Variants in ADGRV1 observed in about 807,000 individuals in gnomAD.
ADGRV1 encodes the protein G-protein coupled receptor 98.
ADGRV1 carries 359 observed loss-of-function variants against 596.2 expected under a neutral mutation model. The observed-to-expected ratio is 0.60, with a 90% CI of 0.55 to 0.66. The LOEUF (loss-of-function observed/expected upper bound fraction) is 0.66. ADGRV1 is among the 30% of genes least tolerant of loss of function. ADGRV1 has a pLI of 0.00. For missense variants in ADGRV1, 7,274 were observed against 7,575.6 expected, an observed-to-expected ratio of 0.96 and a Z score of 1.48; for synonymous variants, 2,681 against 2,679.2, an observed-to-expected ratio of 1.00 and a Z score of -0.02.
At chr5:90,735,717 C>T (rs981245928) in intron 50 of ADGRV1, among the ~76,000 whole-genome samples, 1 of 151,524 alleles carries the variant, frequency 6.6e-6, no homozygotes, top group Admixed American at 6.6e-5. Flanking sequence ...TTCAGTATAC[C>T]AGTCGTTCGT....
At position 90,985,457 on chromosome 5, in the gene ADGRV1, A is replaced by G. The variant is rs939854667; in HGVS notation, c.18087A>G (p.Ile6029Met). Residue 6029 changes from isoleucine (I) to methionine (M), a missense_variant, in exon 85 of 90, where the codon ATA becomes ATG. Physicochemically the swap from Ile to Met is conservative, Grantham distance 10 (BLOSUM62 1). Transcript: ENST00000405460. ...CAGCTTTTGTGGTGATTCTCCTCAT[A>G]GTTATTTTGAAAGGAATCTATCATC... ...GLPAFVVILL[I>M]VILKGIYHQS... 5.0e-6 allele frequency: 8 copies of G among 1,613,794 alleles called. No individual in the cohort carries two copies. The highest frequency in any genetic ancestry group is 6.8e-6 in the Non-Finnish European group (8 of 1,179,756).
At chr5:90,927,117 T>C (rs1419119221) in intron 83 of ADGRV1, among the ~76,000 whole-genome samples, 2 of 149,134 alleles carry the variant, frequency 1.3e-5, no homozygotes, top group African/African-American at 5.0e-5. Flanking sequence ...TCTGTTGATT[T>C]GGGGTGGAGA....
intron 1 of ADGRV1, among the ~76,000 whole-genome samples, chr5:90,583,722 T>C (rs1758373459): frequency 6.6e-6 from 1 of 152,216 alleles, no homozygotes; most frequent in Non-Finnish European, 1.5e-5. Flanking sequence ...TTGTATGTAA[T>C]ATGACCATTC....
intron 58 of ADGRV1, among the ~76,000 whole-genome samples, chr5:90,760,465 G>C (rs1756401711): frequency 6.6e-6 from 1 of 152,128 alleles, no homozygotes. Context: ...ATTGGCTGTA[G>C]TAGATCAAGA....
chr5:91,034,036 A>G (rs962534520), intron 85 of ADGRV1, among the ~76,000 whole-genome samples: 1 of 152,212 alleles, frequency 6.6e-6, no homozygotes, highest in Non-Finnish European at 1.5e-5. Context: ...GAAATGAAGC[A>G]TGCAGAAATT....
chr5:90,627,961 C>CAA (rs1554064829), intron 7 of ADGRV1, 185 bp downstream of exon 7: 4 of 384,874 alleles, frequency 1.0e-5, no homozygotes, highest in Non-Finnish European at 1.4e-5. Context: ...CACACACACA[C>CAA]AAGAATATGT....
At position 90,758,630 on chromosome 5, in the gene ADGRV1, T is replaced by C. The variant is rs187147040; in HGVS notation, c.11941-779T>C. Among the ~76,000 whole-genome samples the C allele has an allele frequency of 6.6e-5, 10 of 152,328 alleles. No homozygotes were observed. The East Asian group carries it at 1.9e-3, about 29-fold the overall frequency. On this transcript the variant is annotated intron_variant, in intron 57 of 89. Coordinates refer to ENST00000405460, the MANE Select transcript of ADGRV1 (RefSeq NM_032119.4). ...TTGATTTTATTCATGTTTCTATCTG[T>C]CTGAGTGTGATATCCAGGTTTTTCA...
chr5:90,576,811 C>A (rs1757287421), intron 1 of ADGRV1, among the ~76,000 whole-genome samples: 1 of 152,212 alleles, frequency 6.6e-6, no homozygotes, highest in African/African-American at 2.4e-5. Flanking sequence ...GCCATTCTGA[C>A]TGGCATGAGA....
intron 84 of ADGRV1, among the ~76,000 whole-genome samples, chr5:90,972,655 G>A (rs1015374337): frequency 3.7e-4 from 56 of 152,228 alleles, no homozygotes; most frequent in Admixed American, 2.6e-3. Flanking sequence ...TGAAACCAAC[G>A]AGAACAAAGA....
chr5:90,598,820 G>T (rs1761042589), intron 1 of ADGRV1, among the ~76,000 whole-genome samples: 1 of 152,180 alleles, frequency 6.6e-6, no homozygotes. Flanking sequence ...TTTGCACCAT[G>T]GGTGTTGTGG....
At chr5:90,950,821 A>T (rs1369851173) in intron 83 of ADGRV1, among the ~76,000 whole-genome samples, 1 of 152,136 alleles carries the variant, frequency 6.6e-6, no homozygotes, top group Non-Finnish European at 1.5e-5. Flanking sequence ...TTGAGTATTT[A>T]TCTCTGATCA....
chr5:91,151,032 C>G (rs1796007833), intron 88 of ADGRV1, among the ~76,000 whole-genome samples: 1 of 152,148 alleles, frequency 6.6e-6, no homozygotes. Flanking sequence ...TCATATTGCC[C>G]TCTTTATATT....
chr5:91,144,300 A>G (rs191592120), intron 87 of ADGRV1, among the ~76,000 whole-genome samples: 6 of 152,250 alleles, frequency 3.9e-5, no homozygotes, highest in African/African-American at 1.4e-4. Context: ...AATATTACTG[A>G]GGACACTTTC....
At chr5:91,010,115 T>C (rs1296510114) in intron 85 of ADGRV1, among the ~76,000 whole-genome samples, 1 of 152,018 alleles carries the variant, frequency 6.6e-6, no homozygotes, top group African/African-American at 2.4e-5. Flanking sequence ...TAAACATGAA[T>C]TACTAAAAAC....
chr5:90,739,846 A>G (rs968367822), intron 50 of ADGRV1, among the ~76,000 whole-genome samples: 3 of 152,168 alleles, frequency 2.0e-5, no homozygotes, highest in African/African-American at 7.2e-5. Flanking sequence ...TGCCTCCCAT[A>G]CTAGGGTAAC....
chr5:90,931,754 G>A (rs1386595205), intron 83 of ADGRV1, among the ~76,000 whole-genome samples: 7 of 152,258 alleles, frequency 4.6e-5, no homozygotes, highest in African/African-American at 1.4e-4. Flanking sequence ...AATTACGCAT[G>A]TTTCCTAATT....
Position 90,810,674 on chromosome 5 carries a change from C to T in ADGRV1, c.15414C>T (p.Pro5138=), listed in dbSNP as rs547006152. ...TGGCAGGAATGGATATTTCCTTCCCCGAGACAACTGTGGCTGTAGCAGTTG... is the reference window on the plus strand; with the variant it reads ...TGGCAGGAATGGATATTTCCTTCCCTGAGACAACTGTGGCTGTAGCAGTTG... The part of the protein sequence containing the change: ...DDLAGMDISF[P]ETTVAVAVDT... Residue 5138 remains proline, a synonymous_variant, in exon 74 of 90, where the codon CCC becomes CCT. Transcript: ENST00000405460. 4.5e-5 allele frequency: 73 copies of T among 1,613,820 alleles called. No individual in the cohort carries two copies. The highest frequency in any genetic ancestry group is 4.1e-4 in the African/African-American group (31 of 75,014).
intron 50 of ADGRV1, among the ~76,000 whole-genome samples, chr5:90,736,754 A>G (rs1324310760): frequency 2.6e-5 from 4 of 151,840 alleles, no homozygotes; most frequent in African/African-American, 9.7e-5. Flanking sequence ...TTTTTGGCAC[A>G]TAACTGTGGT....
intron 59 of ADGRV1, among the ~76,000 whole-genome samples, chr5:90,767,412 A>T (rs1007806037): frequency 1.3e-5 from 2 of 152,216 alleles, no homozygotes; most frequent in African/African-American, 4.8e-5. Flanking sequence ...AAATTAAAAA[A>T]CTTAGAAAAT....
Sources: gnomAD v4.1 joint callset for allele counts (sites outside exome capture counted in the v4.1 genomes callset) on GRCh38, gnomAD v4.1.1 for gene constraint, MANE v1.5 for transcripts, NCBI Gene and HGNC (gene_info 2026-07-23, HGNC 2026-07-21) for gene names.